The following LRRC49 variants were observed in gnomAD, a reference collection of about 807,000 sequenced individuals.
LRRC49 encodes leucine-rich repeat-containing protein 49.
Under a neutral mutation model 83.3 loss-of-function variants are expected in LRRC49, and 50 were observed. That is an observed-to-expected ratio of 0.60 (90% CI 0.48 to 0.76). The LOEUF (loss-of-function observed/expected upper bound fraction) is 0.76. LRRC49 is among the 30% of genes least tolerant of loss of function. The probability of loss-of-function intolerance (pLI) is 0.00; values close to 1 mark genes in which losing one functional copy is unlikely to be tolerated. For synonymous variants in LRRC49, 286 were observed against 283.3 expected (o/e 1.01, Z -0.10); for missense variants, 704 against 809.1 (o/e 0.87, Z 1.58).
At chr15:70,863,171 G>A (rs540794582) in intron 1 of LRRC49, among the ~76,000 whole-genome samples, 52 of 152,270 alleles carry the variant, frequency 3.4e-4, no homozygotes, top group African/African-American at 1.2e-3. Context: ...CAAGGACCAC[G>A]GGCATCAGAA....
At chr15:70,858,638 C>G in intron 1 of LRRC49, 3 of 527,380 alleles carry the variant, frequency 5.7e-6, no homozygotes, top group African/African-American at 1.9e-5. Flanking sequence ...AAAAAAAGGA[C>G]CAAGAAGCAG....
chr15:70,914,027 G>A (rs768839344), intron 6 of LRRC49, among the ~76,000 whole-genome samples: 4 of 151,676 alleles, frequency 2.6e-5, no homozygotes, highest in African/African-American at 9.7e-5. Context: ...AACATTTGTA[G>A]TGCACAAATT....
chr15:70,963,579 C>T (rs1416832119), intron 8 of LRRC49, among the ~76,000 whole-genome samples: 1 of 152,086 alleles, frequency 6.6e-6, no homozygotes, highest in African/African-American at 2.4e-5. Context: ...AATATGTTTA[C>T]TTTGGTTGAT....
At chr15:70,868,032 C>T (rs1012266285) in intron 1 of LRRC49, among the ~76,000 whole-genome samples, 1 of 130,346 alleles carries the variant, frequency 7.7e-6, no homozygotes, top group Admixed American at 8.4e-5. Context: ...TTCTCTTTGG[C>T]TTGATTGTCT....
rs530438055 is a variant in LRRC49 at position 70,989,892 on chromosome 15, C to T, written c.1169+5635C>T. ...CAGGTTTGTTGGAGTTTGCTAGAGG[C>T]CCACTCCAGACCCTGTTTGCCTGGG... On this transcript the variant is annotated intron_variant, in intron 11 of 15. Coordinates refer to ENST00000260382, the MANE Select transcript of LRRC49 (RefSeq NM_017691.5). Among the ~76,000 whole-genome samples, 285 of 152,234 alleles carry T rather than the reference C, an allele frequency of 1.9e-3. No individual in the cohort carries two copies. The Middle Eastern group carries it at 0.02, about 11-fold the overall frequency.
chr15:70,923,386 T>C (rs777058697), intron 7 of LRRC49, among the ~76,000 whole-genome samples: 1 of 152,022 alleles, frequency 6.6e-6, no homozygotes, highest in Non-Finnish European at 1.5e-5. Context: ...TTTGAAGCTA[T>C]GTTTCTAGAA....
At chr15:70,855,301 C>T (rs2032626432) in intron 1 of LRRC49, among the ~76,000 whole-genome samples, 1 of 147,358 alleles carries the variant, frequency 6.8e-6, no homozygotes, top group Admixed American at 6.8e-5. Context: ...TGCCACTGCA[C>T]TCCAGCCTGG....
rs1290582840 is a variant in LRRC49, at chr15:71,052,488, C to G, written c.*2876C>G. On this transcript the variant is annotated 3_prime_UTR_variant, in exon 16 of 16. Transcript: ENST00000260382. Reference sequence around the variant, plus strand: ...TCAGAGGATGGTGCTGGTATCAGCTCCTCACTTCCTGAGCTTCATTCCACT... The same window carrying G: ...TCAGAGGATGGTGCTGGTATCAGCTGCTCACTTCCTGAGCTTCATTCCACT... 6.6e-6 allele frequency: 1 copy of G among 152,134 alleles called. No homozygotes were observed. The highest frequency in any genetic ancestry group is 2.4e-5 in the African/African-American group (1 of 41,406). 9.4% of individuals were successfully genotyped at this position (152,134 alleles called of 1,614,324 possible). A position where few individuals can be genotyped will look rare whatever the true frequency, so the allele number is the denominator to read the frequency against.
At chr15:70,962,986 C>T (rs191191679) in intron 8 of LRRC49, among the ~76,000 whole-genome samples, 77 of 152,116 alleles carry the variant, frequency 5.1e-4, no homozygotes, top group Non-Finnish European at 5.3e-4. Flanking sequence ...ATATATACCA[C>T]CTGGGCATAG....
chr15:70,868,535 C>T (rs1412964121), intron 1 of LRRC49, among the ~76,000 whole-genome samples: 1 of 152,246 alleles, frequency 6.6e-6, no homozygotes, highest in African/African-American at 2.4e-5. Context: ...ATTGAGCATG[C>T]ATCAGAATCA....
rs533338807 is a variant in LRRC49, at chr15:70,959,300, C to T, written c.774-4485C>T. ...CTGAGGTCAGGAGTTCAAGACCAGC[C>T]TGGCCATGGTGAAACCCTGTCTCTA... On this transcript the variant is annotated intron_variant, in intron 8 of 15. Transcript: ENST00000260382. Among the ~76,000 whole-genome samples, 47 of 152,154 alleles carry T rather than the reference C, an allele frequency of 3.1e-4. 1 individual carries two copies. The highest frequency in any genetic ancestry group is 1.1e-3 in the African/African-American group (45 of 41,516).
chr15:70,975,444 G>C (rs567861801), intron 9 of LRRC49, among the ~76,000 whole-genome samples: 4 of 152,116 alleles, frequency 2.6e-5, no homozygotes, highest in Non-Finnish European at 4.4e-5. Flanking sequence ...TGTAATCCTA[G>C]CACTTTGGGA....
chr15:70,944,040 C>T (rs2035919130), intron 8 of LRRC49, among the ~76,000 whole-genome samples: 1 of 152,136 alleles, frequency 6.6e-6, no homozygotes, highest in Admixed American at 6.5e-5. Flanking sequence ...TGATTATTTA[C>T]CTGCAGAATA....
At chr15:70,933,605 C>T (rs752617450) in intron 7 of LRRC49, among the ~76,000 whole-genome samples, 4 of 152,060 alleles carry the variant, frequency 2.6e-5, no homozygotes, top group African/African-American at 7.2e-5. Flanking sequence ...TGCAGAGTAC[C>T]GCCAGAATGA....
chr15:70,963,646 T>C lies in LRRC49; in HGVS notation c.774-139T>C, dbSNP rs140627569. On this transcript the variant is annotated intron_variant, in intron 8 of 15. Coordinates refer to ENST00000260382, the MANE Select transcript of LRRC49 (RefSeq NM_017691.5). ...GATGTTAGCAATAGGGGAAACTGGG[T>C]ATGGGGTATAGGGGAACTCTGTACT... The C allele has an allele frequency of 1.8e-3, 1,376 of 785,678 alleles. 20 individuals are homozygous for C. The East Asian group carries it at 0.034, about 19-fold the overall frequency. The allele number at this position is 785,678 out of a possible 1,614,324, so 48.7% of individuals were successfully genotyped here.
chr15:70,875,735 C>T (rs1346505776), intron 2 of LRRC49, among the ~76,000 whole-genome samples: 1 of 152,050 alleles, frequency 6.6e-6, no homozygotes. Flanking sequence ...AGACTCAGGC[C>T]CAGAGAGATA....
chr15:71,048,928 G>C (rs1324562874), intron 15 of LRRC49: 1 of 440,588 alleles, frequency 2.3e-6, no homozygotes, highest in African/African-American at 2.0e-5. Context: ...AGTCAGTGTA[G>C]TGTACCATTT....
chr15:70,939,104 A>T (rs1391459568), intron 8 of LRRC49, among the ~76,000 whole-genome samples: 1 of 152,230 alleles, frequency 6.6e-6, no homozygotes, highest in South Asian at 2.1e-4. Flanking sequence ...TATGGGTTAG[A>T]TGAAAAAATT....
chr15:70,942,180 A>G (rs1018960205), intron 8 of LRRC49, among the ~76,000 whole-genome samples: 80 of 152,244 alleles, frequency 5.3e-4, no homozygotes, highest in African/African-American at 1.8e-3. Flanking sequence ...GAGTTCACAC[A>G]TACATATTTG....
Sources: gnomAD v4.1 joint callset for allele counts (sites outside exome capture counted in the v4.1 genomes callset) on GRCh38, gnomAD v4.1.1 for gene constraint, MANE v1.5 for transcripts, NCBI Gene and HGNC (gene_info 2026-07-23, HGNC 2026-07-21) for gene names.